Variants in PIK3R3 observed in about 807,000 individuals in gnomAD.
The protein encoded by PIK3R3 is phosphoinositide-3-kinase regulatory subunit 3.
Under a neutral mutation model 62.9 loss-of-function variants are expected in PIK3R3, and 64 were observed. The observed-to-expected ratio is 1.02, with a 90% CI of 0.83 to 1.25. PIK3R3 has a LOEUF of 1.25. Ranked by LOEUF, PIK3R3 falls within the 50% of genes most tolerant of loss-of-function variation. The pLI is 0.00. For missense variants in PIK3R3, 614 were observed against 561.6 expected (o/e 1.09, Z -0.94); for synonymous variants, 165 against 189.0 (o/e 0.87, Z 1.04).
At chr1:46,096,840 TAAAAAAA>T (rs201258613) in intron 1 of PIK3R3, among the ~76,000 whole-genome samples, 1 of 126,984 alleles carries the variant, frequency 7.9e-6, no homozygotes, top group Non-Finnish European at 1.7e-5. Flanking sequence ...GACTCTGTCT[TAAAAAAA>T]AAAAAAAAGA....
At chr1:46,154,273 A>G in the PIK3R3 span, among the ~76,000 whole-genome samples, 1 of 152,222 alleles carries the variant, frequency 6.6e-6, no homozygotes, top group Non-Finnish European at 1.5e-5. Flanking sequence ...GAGAACAGAA[A>G]AGTTCAGAAT....
Position 46,044,062 on chromosome 1 carries a change from G to GT in PIK3R3, c.1188-192dup, listed in dbSNP as rs1647049905. 6.7e-6 allele frequency among the ~76,000 whole-genome samples: 1 copy of GT among 149,146 alleles called. No homozygotes were observed. The highest frequency in any genetic ancestry group is 1.5e-5 in the Non-Finnish European group (1 of 67,448). On this transcript the variant is annotated intron_variant, in intron 9 of 9. Coordinates refer to ENST00000262741, the MANE Select transcript of PIK3R3 (RefSeq NM_003629.4). This position sits in a 1 kb window ranked among gnomAD's most constrained non-coding sequence, Gnocchi z 4.2. ...TACGGGTGTTAAAACAACCACAAAT[G>GT]TAAGGGTTTATTTATTTCTTTTTTT...
chr1:46,140,742 GCCT>G, the PIK3R3 span, among the ~76,000 whole-genome samples: 2 of 152,224 alleles, frequency 1.3e-5, no homozygotes, highest in African/African-American at 4.8e-5. Context: ...CTCCTTCAGA[GCCT>G]CAGAAGAAAC....
intron 1 of PIK3R3, among the ~76,000 whole-genome samples, chr1:46,088,982 A>G (rs1210169512): frequency 6.6e-6 from 1 of 152,196 alleles, no homozygotes; most frequent in African/African-American, 2.4e-5. Flanking sequence ...AATCTGAGGG[A>G]AAATGATTTT....
At chr1:46,166,819 C>T in the PIK3R3 span, among the ~76,000 whole-genome samples, 1 of 152,220 alleles carries the variant, frequency 6.6e-6, no homozygotes, top group Admixed American at 6.5e-5. Flanking sequence ...GACGTGGATT[C>T]TACATCCTCC....
At chr1:46,060,807 A>G (rs1648413601) in intron 6 of PIK3R3, among the ~76,000 whole-genome samples, 1 of 152,228 alleles carries the variant, frequency 6.6e-6, no homozygotes, top group South Asian at 2.1e-4. Context: ...AAACTCATGC[A>G]CACAGAAATA....
At chr1:46,170,701 G>T in the PIK3R3 span, among the ~76,000 whole-genome samples, 2 of 152,270 alleles carry the variant, frequency 1.3e-5, no homozygotes, top group South Asian at 4.1e-4. Flanking sequence ...GATTACAGGC[G>T]CGAGCCACCG....
intron 8 of PIK3R3, 103 bp from the exon 9 acceptor site, chr1:46,046,191 A>G (rs986175823): frequency 4.2e-6 from 3 of 718,116 alleles, no homozygotes; most frequent in Non-Finnish European, 6.9e-6. Context: ...CAAATAACAA[A>G]GCAAAATTGC....
chr1:46,108,246 G>A (rs1653395653), intron 1 of PIK3R3, among the ~76,000 whole-genome samples: 2 of 152,220 alleles, frequency 1.3e-5, no homozygotes, highest in South Asian at 2.1e-4. Context: ...TTATATGAAT[G>A]TATCATCATT....
rs1365835788 is a variant in PIK3R3, at chr1:46,077,610, C to T, written c.219G>A (p.Glu73=). The change falls in exon 3 of 10, where the codon GAG becomes GAA. Residue 73 remains glutamate, a synonymous_variant. Transcript: ENST00000262741. ...TATCCCGCAATTTGTCATTTACCTC[C>T]TCCCTGAAGAACAGAATTATAAGAA... is the stretch of plus-strand genomic sequence containing the variant. The part of the protein sequence containing the change: ...AEWYWGDISR[E]EVNDKLRDMP... The T allele has an allele frequency of 1.3e-6, 2 of 1,590,656 alleles. No homozygotes were observed. The highest frequency in any genetic ancestry group is 1.7e-6 in the Non-Finnish European group (2 of 1,158,812).
At chr1:46,106,844 C>T (rs1316004324) in intron 1 of PIK3R3, among the ~76,000 whole-genome samples, 1 of 151,990 alleles carries the variant, frequency 6.6e-6, no homozygotes, top group East Asian at 1.9e-4. Flanking sequence ...GGCGTGATCT[C>T]GGCTCACTGC....
chr1:46,130,645 C>T (rs1324405094), intron 1 of PIK3R3, among the ~76,000 whole-genome samples: 1 of 152,152 alleles, frequency 6.6e-6, no homozygotes, highest in Non-Finnish European at 1.5e-5. Flanking sequence ...AGTTACACTT[C>T]TTCACACTTG....
At chr1:46,095,464 A>G (rs1430692889) in intron 1 of PIK3R3, among the ~76,000 whole-genome samples, 3 of 152,188 alleles carry the variant, frequency 2.0e-5, no homozygotes. Context: ...ATGAGAACAC[A>G]TGGACAACAT....
intron 5 of PIK3R3, among the ~76,000 whole-genome samples, chr1:46,063,283 G>A (rs1446669149): frequency 6.6e-6 from 1 of 152,220 alleles, no homozygotes; most frequent in Non-Finnish European, 1.5e-5. Flanking sequence ...GCATGTTCAA[G>A]GATTAGTAAT....
chr1:46,158,862 T>A, the PIK3R3 span, among the ~76,000 whole-genome samples: 1 of 152,096 alleles, frequency 6.6e-6, no homozygotes, highest in African/African-American at 2.4e-5. Context: ...CCAAGACGGG[T>A]GGATCACGAG....
intron 1 of PIK3R3, among the ~76,000 whole-genome samples, chr1:46,118,004 G>C (rs1188417938): frequency 6.7e-6 from 1 of 149,538 alleles, no homozygotes; most frequent in Non-Finnish European, 1.5e-5. Context: ...CTTGAGCCCA[G>C]GAGGTCAAGG....
intron 7 of PIK3R3, among the ~76,000 whole-genome samples, chr1:46,050,366 A>C (rs61782881): frequency 0.037 from 5,657 of 152,190 alleles, 143 homozygotes; most frequent in Middle Eastern, 0.092. Flanking sequence ...GGAGTTCGAG[A>C]CCAGCCTGGC....
At chr1:46,052,712 A>G (rs1177260714) in intron 7 of PIK3R3, among the ~76,000 whole-genome samples, 1 of 152,188 alleles carries the variant, frequency 6.6e-6, no homozygotes, top group African/African-American at 2.4e-5. Flanking sequence ...AAATGGAATA[A>G]TATCCTAGAA....
chr1:46,082,750 G>C (rs1476658683), intron 1 of PIK3R3, among the ~76,000 whole-genome samples: 1 of 152,088 alleles, frequency 6.6e-6, no homozygotes, highest in African/African-American at 2.4e-5. Flanking sequence ...AGAACAATGT[G>C]AATATTTCCC....
Sources: gnomAD v4.1 joint callset for allele counts (sites outside exome capture counted in the v4.1 genomes callset) on GRCh38, gnomAD v4.1.1 for gene constraint, Gnocchi (gnomAD v3.1) non-coding constraint, MANE v1.5 for transcripts, NCBI Gene and HGNC (gene_info 2026-07-23, HGNC 2026-07-21) for gene names.